Variants in PCSK5 observed in about 807,000 individuals in gnomAD.
PCSK5 encodes prohormone convertase 5.
In PCSK5, 129 loss-of-function variants were observed where a neutral mutation model predicts 233.2. The observed-to-expected ratio is 0.55, with a 90% CI of 0.48 to 0.64. PCSK5 has a LOEUF of 0.64. Ranked by LOEUF, PCSK5 falls within the 30% of genes least tolerant of loss-of-function variation. The pLI, the probability that PCSK5 is intolerant of heterozygous loss-of-function variation, is 0.00. For synonymous variants in PCSK5, 825 were observed against 879.2 expected, an observed-to-expected ratio of 0.94 and a Z score of 1.09; for missense variants, 2,076 against 2,430.1, an observed-to-expected ratio of 0.85 and a Z score of 3.06.
intron 15 of PCSK5, among the ~76,000 whole-genome samples, chr9:76,180,248 T>C (rs1331514879): frequency 6.6e-6 from 1 of 152,072 alleles, no homozygotes; most frequent in East Asian, 1.9e-4. Flanking sequence ...AAGTACACAA[T>C]AAATTGTTAT....
chr9:76,155,465 G>T (rs1280866851), intron 10 of PCSK5, among the ~76,000 whole-genome samples: 1 of 152,192 alleles, frequency 6.6e-6, no homozygotes, highest in Non-Finnish European at 1.5e-5. Flanking sequence ...AGACCCAGTT[G>T]CTGTCATCAA....
At chr9:76,156,236 AT>A (rs1200920690) in intron 10 of PCSK5, among the ~76,000 whole-genome samples, 8 of 152,160 alleles carry the variant, frequency 5.3e-5, no homozygotes, top group African/African-American at 1.9e-4. Flanking sequence ...CTGCACATGT[AT>A]ATATTACTGT....
chr9:76,323,747 A>G (rs1829278658), intron 32 of PCSK5, among the ~76,000 whole-genome samples: 1 of 152,224 alleles, frequency 6.6e-6, no homozygotes, highest in South Asian at 2.1e-4. Flanking sequence ...TTTATTAGTG[A>G]CAAATCACGT....
chr9:76,312,868 C>T (rs1026878335), intron 30 of PCSK5, among the ~76,000 whole-genome samples: 4 of 152,150 alleles, frequency 2.6e-5, no homozygotes, highest in African/African-American at 9.7e-5. Context: ...TTAAGACCAA[C>T]TCCAGGAAGT....
intron 1 of PCSK5, among the ~76,000 whole-genome samples, chr9:75,927,173 A>G (rs1823530255): frequency 6.6e-6 from 1 of 152,128 alleles, no homozygotes; most frequent in African/African-American, 2.4e-5. Flanking sequence ...GTGCAGTGCT[A>G]TTATGATTTT....
At chr9:76,042,588 G>A (rs768307558) in intron 5 of PCSK5, among the ~76,000 whole-genome samples, 10 of 152,158 alleles carry the variant, frequency 6.6e-5, no homozygotes, top group Non-Finnish European at 1.3e-4. Context: ...CCTGGGAGGT[G>A]GAGGTTGCAG....
rs11144856 is a variant in PCSK5, at chr9:76,362,713, G to A, written c.*3791G>A. On this transcript the variant is annotated 3_prime_UTR_variant, in exon 38 of 38. Transcript: ENST00000674117. ...TTAAAGATCGACCTCTGACCTAACC[G>A]GTTATGTTATCTATAGATTCCAGAC... Among the ~76,000 whole-genome samples, 118 of 152,310 alleles carry A rather than the reference G, an allele frequency of 7.7e-4. 2 individuals carry two copies. In the East Asian group the frequency reaches 0.022, roughly 28 times the overall value.
At chr9:76,348,899 C>T (rs908886021) in intron 35 of PCSK5, among the ~76,000 whole-genome samples, 1 of 151,706 alleles carries the variant, frequency 6.6e-6, no homozygotes, top group African/African-American at 2.4e-5. Flanking sequence ...CATGTATCTA[C>T]CCTTAATTTC....
chr9:76,079,782 T>A (rs1830769233), intron 7 of PCSK5, among the ~76,000 whole-genome samples: 1 of 152,334 alleles, frequency 6.6e-6, no homozygotes, highest in Middle Eastern at 3.4e-3. Context: ...GACTGTTCAG[T>A]GCCTTGTTGG....
intron 8 of PCSK5, among the ~76,000 whole-genome samples, chr9:76,099,577 G>A (rs765347160): frequency 1.3e-5 from 2 of 152,136 alleles, no homozygotes; most frequent in South Asian, 2.1e-4. Context: ...CACTCTGATC[G>A]GGAACATGTT....
chr9:75,959,830 G>A (rs1238757613), intron 2 of PCSK5, among the ~76,000 whole-genome samples: 3 of 152,190 alleles, frequency 2.0e-5, no homozygotes, highest in Non-Finnish European at 4.4e-5. Context: ...TTAGTGCAGG[G>A]GAGAAATAGG....
At chr9:76,311,032 C>CCA (rs1828851498) in intron 30 of PCSK5, among the ~76,000 whole-genome samples, 181 bp downstream of exon 30, 1 of 152,098 alleles carries the variant, frequency 6.6e-6, no homozygotes, top group African/African-American at 2.4e-5. Flanking sequence ...GGCCAGATGC[C>CCA]CACTTCTCCT....
At chr9:75,945,039 G>T (rs550937335) in intron 2 of PCSK5, among the ~76,000 whole-genome samples, 2 of 151,308 alleles carry the variant, frequency 1.3e-5, no homozygotes, top group South Asian at 4.2e-4. Context: ...AACTCGGGAG[G>T]TGGAGGTTGT....
intron 9 of PCSK5, among the ~76,000 whole-genome samples, chr9:76,117,381 A>C (rs1047163637): frequency 6.6e-6 from 1 of 152,062 alleles, no homozygotes; most frequent in African/African-American, 2.4e-5. Context: ...TGCTAGAGGG[A>C]TTGATGGTAG....
intron 2 of PCSK5, among the ~76,000 whole-genome samples, chr9:75,982,382 T>C (rs532150903): frequency 6.6e-6 from 1 of 152,322 alleles, no homozygotes; most frequent in East Asian, 1.9e-4. Flanking sequence ...ATTGTTTAAT[T>C]ATCCTCCATA....
intron 14 of PCSK5, among the ~76,000 whole-genome samples, chr9:76,175,914 C>T: frequency 6.6e-6 from 1 of 152,140 alleles, no homozygotes; most frequent in East Asian, 1.9e-4. Flanking sequence ...CCTCTTATCT[C>T]CTTGTGAACA....
intron 5 of PCSK5, among the ~76,000 whole-genome samples, chr9:76,034,043 A>G (rs1828752921): frequency 6.6e-6 from 1 of 152,194 alleles, no homozygotes. Flanking sequence ...CAGGTTCACG[A>G]TGCATTACAC....
intron 10 of PCSK5, among the ~76,000 whole-genome samples, chr9:76,155,719 C>G (rs1587695603): frequency 6.6e-6 from 1 of 152,302 alleles, no homozygotes; most frequent in East Asian, 1.9e-4. Context: ...GAGAAAAGTT[C>G]ACTGGTCACA....
chr9:76,323,932 A>ATTTTTTTTTTTTTTTTTTTTTTTTTTT (rs60451634), intron 32 of PCSK5, among the ~76,000 whole-genome samples: 1 of 139,408 alleles, frequency 7.2e-6, no homozygotes, highest in Non-Finnish European at 1.5e-5. Context: ...TTCCTGGGTG[A>ATTTTTTTTTTTTTTTTTTTTTTTTTTT]TTTTTTTTTT....
Sources: allele counts gnomAD v4.1 joint callset (sites outside exome capture counted in the v4.1 genomes callset), GRCh38; gene constraint gnomAD v4.1.1; transcripts MANE v1.5; gene names NCBI Gene and HGNC (gene_info 2026-07-23, HGNC 2026-07-21).